Variants in DOCK3 observed in about 807,000 individuals in gnomAD.
The protein encoded by DOCK3 is dedicator of cytokinesis protein 3.
DOCK3 carries 60 observed loss-of-function variants against 265.6 expected under a neutral mutation model. The ratio of observed to expected loss-of-function variants is 0.23; its 90% CI spans 0.18 to 0.28. The LOEUF is 0.28. DOCK3 is among the 10% of genes least tolerant of loss of function. The pLI, the probability that DOCK3 is intolerant of heterozygous loss-of-function variation, is 1.00. For missense variants in DOCK3, 1,981 were observed against 2,594.3 expected, an observed-to-expected ratio of 0.76 and a Z score of 5.14; for synonymous variants, 881 against 938.0, an observed-to-expected ratio of 0.94 and a Z score of 1.11.
At chr3:51,246,867 C>T in intron 22 of DOCK3, 60 bp downstream of exon 22, 1 of 1,509,158 alleles carries the variant, frequency 6.6e-7, no homozygotes, top group East Asian at 2.3e-5. Context: ...TGTGAGTAAT[C>T]TCAGTGATAC....
At chr3:51,312,787 C>G (rs900147048) in intron 30 of DOCK3, 57 bp from the exon 31 acceptor site, 17 of 1,545,004 alleles carry the variant, frequency 1.1e-5, no homozygotes, top group Non-Finnish European at 1.4e-5. Flanking sequence ...GGGTTTGCAG[C>G]CCTATCCTCC....
intron 36 of DOCK3, 59 bp from the exon 37 acceptor site, chr3:51,338,876 C>T: frequency 6.9e-7 from 1 of 1,453,366 alleles, no homozygotes; most frequent in Non-Finnish European, 9.5e-7. Context: ...GCCAGCTGCC[C>T]AGAGCTTGGC....
At chr3:50,916,498 C>T (rs907065849) in intron 4 of DOCK3, among the ~76,000 whole-genome samples, 3 of 152,088 alleles carry the variant, frequency 2.0e-5, no homozygotes, top group African/African-American at 4.8e-5. Context: ...CACTCTGGCA[C>T]TCTCCCTCAG....
chr3:50,697,008 G>A (rs1232084992), intron 1 of DOCK3, among the ~76,000 whole-genome samples: 1 of 149,962 alleles, frequency 6.7e-6, no homozygotes, highest in African/African-American at 2.5e-5. Context: ...TAGGCTCACT[G>A]TAACCTCCAC....
chr3:51,278,026 T>C (rs1281994992), intron 26 of DOCK3: 2 of 985,438 alleles, frequency 2.0e-6, no homozygotes, highest in East Asian at 1.1e-4. Context: ...TCATTTTCTA[T>C]ATTGTAGAAT....
chr3:51,192,921 T>G (rs2088038640), intron 12 of DOCK3, among the ~76,000 whole-genome samples: 1 of 152,154 alleles, frequency 6.6e-6, no homozygotes, highest in African/African-American at 2.4e-5. Flanking sequence ...TTCTCTTGCC[T>G]GATTTCTCTG....
intron 27 of DOCK3, among the ~76,000 whole-genome samples, chr3:51,284,634 G>A (rs900064593): frequency 6.6e-6 from 1 of 152,140 alleles, no homozygotes. Context: ...TTATGGCTTG[G>A]CTTATATTGA....
At chr3:51,016,096 GAT>G (rs369717246) in intron 5 of DOCK3, among the ~76,000 whole-genome samples, 1 of 6,816 alleles carries the variant, frequency 1.5e-4, no homozygotes, top group Non-Finnish European at 2.1e-4. Flanking sequence ...TTCTACATAT[GAT>G]ATATATCATA....
intron 3 of DOCK3, among the ~76,000 whole-genome samples, chr3:50,845,556 A>G (rs774970393): frequency 3.9e-5 from 6 of 152,144 alleles, no homozygotes; most frequent in Non-Finnish European, 8.8e-5. Flanking sequence ...GATGGATGGT[A>G]AGGCAGGAAA....
Position 50,778,258 on chromosome 3 carries a change from A to T in DOCK3, c.38-417A>T, listed in dbSNP as rs2041720949. Reference sequence around the variant, plus strand: ...ATGAGAATTCTGCTTTTCAAAGCATAATCAAATTTATTTGATGATTCTTTT... The same window carrying T: ...ATGAGAATTCTGCTTTTCAAAGCATTATCAAATTTATTTGATGATTCTTTT... On this transcript the variant is annotated intron_variant, in intron 1 of 52. Transcript: ENST00000266037. 2.0e-5 allele frequency among the ~76,000 whole-genome samples: 3 copies of T among 152,272 alleles called. No individual in the cohort carries two copies. In the South Asian group the frequency reaches 6.2e-4, roughly 32 times the overall value.
chr3:50,999,450 A>T (rs1575717151), intron 5 of DOCK3, among the ~76,000 whole-genome samples: 1 of 152,294 alleles, frequency 6.6e-6, no homozygotes, highest in East Asian at 1.9e-4. Context: ...TCCAAATAGA[A>T]ACCTAGTTAT....
At chr3:50,974,442 A>G (rs909313669) in intron 5 of DOCK3, among the ~76,000 whole-genome samples, 7 of 152,026 alleles carry the variant, frequency 4.6e-5, no homozygotes, top group Non-Finnish European at 7.4e-5. Context: ...CAAAGATCAG[A>G]TAGTTGTAGA....
chr3:50,898,852 T>C lies in DOCK3; in HGVS notation c.218+8771T>C, dbSNP rs535500328. 4.1e-4 allele frequency among the ~76,000 whole-genome samples: 63 copies of C among 151,870 alleles called. 1 individual carries two copies. The South Asian group carries it at 0.012, about 30-fold the overall frequency. ...TGCACTGTGGTCTGAGAGACTGTTA[T>C]GATTTCCGTTCTTTTGCATTTGCTG... On this transcript the variant is annotated intron_variant, in intron 4 of 52. Transcript: ENST00000266037.
intron 21 of DOCK3, among the ~76,000 whole-genome samples, chr3:51,245,564 T>C (rs1464959262): frequency 1.3e-5 from 2 of 151,878 alleles, no homozygotes; most frequent in Non-Finnish European, 2.9e-5. Flanking sequence ...CTAATTTTTT[T>C]GTATTTTTAG....
chr3:51,307,692 G>T (rs2082763905), intron 27 of DOCK3, among the ~76,000 whole-genome samples: 1 of 151,896 alleles, frequency 6.6e-6, no homozygotes, highest in Non-Finnish European at 1.5e-5. Flanking sequence ...GCCTTCCCTA[G>T]GAATGTGCAC....
chr3:51,239,755 A>G (rs1255775701), intron 21 of DOCK3, among the ~76,000 whole-genome samples: 2 of 151,882 alleles, frequency 1.3e-5, no homozygotes, highest in Admixed American at 6.6e-5. Context: ...GATGTTCATA[A>G]TATTCTCTGA....
intron 5 of DOCK3, among the ~76,000 whole-genome samples, chr3:51,032,119 C>CTGTGTGTGT (rs113336541): frequency 1.3e-5 from 2 of 148,992 alleles, no homozygotes; most frequent in East Asian, 4.0e-4. Context: ...CCTCCCTCCT[C>CTGTGTGTGT]GTGTGTGTGT....
chr3:50,805,450 A>G (rs1225433254), intron 2 of DOCK3, among the ~76,000 whole-genome samples: 2 of 152,178 alleles, frequency 1.3e-5, no homozygotes, highest in Middle Eastern at 3.2e-3. Flanking sequence ...GGCTTTGAAC[A>G]TAGGTATACA....
intron 22 of DOCK3, among the ~76,000 whole-genome samples, chr3:51,253,916 A>G (rs915854067): frequency 6.6e-6 from 1 of 152,024 alleles, no homozygotes; most frequent in Non-Finnish European, 1.5e-5. Context: ...TTAGAGAAGC[A>G]AGTGTTTGCT....
Sources: allele counts gnomAD v4.1 joint callset (sites outside exome capture counted in the v4.1 genomes callset), GRCh38; gene constraint gnomAD v4.1.1; transcripts MANE v1.5; gene names NCBI Gene and HGNC (gene_info 2026-07-23, HGNC 2026-07-21).